ST6GAL1: variants seen among roughly 807,000 people sequenced by gnomAD.
ST6GAL1 encodes the protein beta-galactoside alpha-2,6-sialyltransferase 1.
ST6GAL1 carries 20 observed loss-of-function variants against 38.0 expected under a neutral mutation model. The observed-to-expected ratio is 0.53, with a 90% CI of 0.37 to 0.77. The LOEUF (loss-of-function observed/expected upper bound fraction) is 0.77. ST6GAL1 is among the 30% of genes least tolerant of loss of function. The pLI, the probability that ST6GAL1 is intolerant of heterozygous loss-of-function variation, is 0.00. For missense variants in ST6GAL1, 432 were observed against 496.4 expected, an observed-to-expected ratio of 0.87 and a Z score of 1.23; for synonymous variants, 196 against 188.2, an observed-to-expected ratio of 1.04 and a Z score of -0.34.
rs1027219299 is a variant in ST6GAL1 at position 187,071,161 on chromosome 3, G to A, written c.706-1688G>A. On this transcript the variant is annotated intron_variant, in intron 5 of 7. Transcript: ENST00000169298. ...GGCGATGTAGACTGAGGTGGAGAGGGATTATTGTCATGATTCTTGCTTTCG... is the reference window on the plus strand; with the variant it reads ...GGCGATGTAGACTGAGGTGGAGAGGAATTATTGTCATGATTCTTGCTTTCG... Among the ~76,000 whole-genome samples, 3 of 152,266 alleles carry A rather than the reference G, an allele frequency of 2.0e-5. No individual in the cohort carries two copies. The East Asian group carries it at 5.8e-4, about 29-fold the overall frequency.
At chr3:186,991,804 CAGG>C (rs1716178545) in intron 2 of ST6GAL1, among the ~76,000 whole-genome samples, 1 of 152,128 alleles carries the variant, frequency 6.6e-6, no homozygotes, top group African/African-American at 2.4e-5. Flanking sequence ...AGCTTGTGGG[CAGG>C]AATAAGTTCC....
intron 5 of ST6GAL1, among the ~76,000 whole-genome samples, chr3:187,060,841 G>A (rs769088673): frequency 1.3e-5 from 2 of 152,146 alleles, no homozygotes; most frequent in African/African-American, 2.4e-5. Flanking sequence ...GTCAGCTGCA[G>A]GCTGGAAATA....
intron 2 of ST6GAL1, among the ~76,000 whole-genome samples, chr3:186,967,111 C>G (rs1209053131): frequency 1.3e-5 from 2 of 152,180 alleles, no homozygotes; most frequent in African/African-American, 4.8e-5. Flanking sequence ...CCAGCCTTTC[C>G]TTCAAGAACT....
chr3:186,983,978 G>A (rs185369235), intron 2 of ST6GAL1, among the ~76,000 whole-genome samples: 7 of 152,136 alleles, frequency 4.6e-5, no homozygotes, highest in Non-Finnish European at 1.0e-4. Flanking sequence ...CCTACTTTAC[G>A]CTCTGTTTGA....
intron 5 of ST6GAL1, chr3:187,072,402 A>C: frequency 4.4e-6 from 1 of 226,510 alleles, no homozygotes; most frequent in Non-Finnish European, 8.9e-6. Flanking sequence ...GGACTTCGTG[A>C]GAGAGCCTAT....
chr3:187,047,851 A>G (rs1363824074), intron 4 of ST6GAL1, among the ~76,000 whole-genome samples: 4 of 152,122 alleles, frequency 2.6e-5, no homozygotes, highest in Non-Finnish European at 4.4e-5. Context: ...ATATTTTGGT[A>G]CATGCATACA....
chr3:186,991,209 TCCCAGAGATG>T (rs1716157308), intron 2 of ST6GAL1, among the ~76,000 whole-genome samples: 1 of 152,178 alleles, frequency 6.6e-6, no homozygotes, highest in South Asian at 2.1e-4. Flanking sequence ...AGTGTGGTTC[TCCCAGAGATG>T]CCTCATTCAT....
At chr3:187,037,913 T>C (rs1717984590) in intron 2 of ST6GAL1, among the ~76,000 whole-genome samples, 1 of 152,182 alleles carries the variant, frequency 6.6e-6, no homozygotes, top group Non-Finnish European at 1.5e-5. Context: ...TAGTACTTTT[T>C]CACGTTTTTT....
chr3:186,987,335 A>G (rs1008563518), intron 2 of ST6GAL1, among the ~76,000 whole-genome samples: 1 of 152,212 alleles, frequency 6.6e-6, no homozygotes, highest in Admixed American at 6.5e-5. Context: ...TACATACCTT[A>G]CCACCTTCCT....
At chr3:187,010,933 A>T (rs1716935632) in intron 2 of ST6GAL1, among the ~76,000 whole-genome samples, 1 of 152,174 alleles carries the variant, frequency 6.6e-6, no homozygotes, top group Admixed American at 6.5e-5. Context: ...TTTCTAAACC[A>T]AAGTATAAAA....
At chr3:186,946,286 C>T (rs1001196989) in intron 1 of ST6GAL1, among the ~76,000 whole-genome samples, 5 of 150,488 alleles carry the variant, frequency 3.3e-5, no homozygotes, top group African/African-American at 1.2e-4. Flanking sequence ...CTAGCCTGGG[C>T]GACAGAGTGA....
intron 3 of ST6GAL1, among the ~76,000 whole-genome samples, chr3:187,041,726 T>C (rs149292195): frequency 2.3e-4 from 35 of 152,274 alleles, no homozygotes; most frequent in African/African-American, 8.4e-4. Context: ...GAGCCTCAGG[T>C]TGCTAATCCA....
At chr3:186,963,361 G>A (rs1026316051) in intron 1 of ST6GAL1, among the ~76,000 whole-genome samples, 1 of 152,142 alleles carries the variant, frequency 6.6e-6, no homozygotes, top group African/African-American at 2.4e-5. Flanking sequence ...AGTAGCTGGG[G>A]TTACAGGCAT....
chr3:187,072,517 C>G (rs1719419257), intron 5 of ST6GAL1: 1 of 353,504 alleles, frequency 2.8e-6, no homozygotes, highest in Non-Finnish European at 5.5e-6. Context: ...TCAGACTCCA[C>G]TCTTGTGACC....
At chr3:187,048,357 A>C in intron 4 of ST6GAL1, among the ~76,000 whole-genome samples, 1 of 150,900 alleles carries the variant, frequency 6.6e-6, no homozygotes, top group South Asian at 2.1e-4. Flanking sequence ...TCTTCCCCTC[A>C]CTCCTTGTCT....
At chr3:187,066,175 TTAA>T (rs1254610527) in intron 5 of ST6GAL1, among the ~76,000 whole-genome samples, 1 of 152,182 alleles carries the variant, frequency 6.6e-6, no homozygotes, top group East Asian at 1.9e-4. Flanking sequence ...ATACAGTCTA[TTAA>T]TATCATAATT....
chr3:187,007,525 A>C (rs1716822396), intron 2 of ST6GAL1, among the ~76,000 whole-genome samples: 1 of 152,244 alleles, frequency 6.6e-6, no homozygotes, highest in Non-Finnish European at 1.5e-5. Flanking sequence ...CAGTACTTTC[A>C]GTCTGAACCT....
At chr3:186,968,799 C>A (rs1174516242) in intron 2 of ST6GAL1, among the ~76,000 whole-genome samples, 1 of 152,134 alleles carries the variant, frequency 6.6e-6, no homozygotes, top group African/African-American at 2.4e-5. Flanking sequence ...CCATTAGAAT[C>A]ATTTGTGGAA....
chr3:186,983,293 C>T (rs1343538615), intron 2 of ST6GAL1, among the ~76,000 whole-genome samples: 1 of 152,064 alleles, frequency 6.6e-6, no homozygotes, highest in Non-Finnish European at 1.5e-5. Flanking sequence ...GGAAGACAGA[C>T]ATGTAGGCAC....
Sources: allele counts gnomAD v4.1 joint callset (sites outside exome capture counted in the v4.1 genomes callset), GRCh38; gene constraint gnomAD v4.1.1; transcripts MANE v1.5; gene names NCBI Gene and HGNC (gene_info 2026-07-23, HGNC 2026-07-21).